Variants in ITGBL1 observed in about 807,000 individuals in gnomAD.
The protein encoded by ITGBL1 is integrin beta-like protein 1.
Under a neutral mutation model 68.5 loss-of-function variants are expected in ITGBL1, and 51 were observed. The ratio of observed to expected loss-of-function variants is 0.74; its 90% CI spans 0.59 to 0.94. ITGBL1 has a LOEUF of 0.94. Ranked by LOEUF, ITGBL1 falls within the 40% of genes least tolerant of loss-of-function variation. The pLI, the probability that ITGBL1 is intolerant of heterozygous loss-of-function variation, is 0.00. For missense variants in ITGBL1, 649 were observed against 647.4 expected (o/e 1.00, Z -0.03); for synonymous variants, 209 against 227.3 (o/e 0.92, Z 0.72).
intron 7 of ITGBL1, among the ~76,000 whole-genome samples, chr13:101,688,819 A>G (rs1265014217): frequency 2.0e-5 from 3 of 152,210 alleles, no homozygotes; most frequent in South Asian, 2.1e-4. Context: ...AAGTTCTACC[A>G]TTAATGCTCA....
intron 7 of ITGBL1, among the ~76,000 whole-genome samples, chr13:101,680,541 T>C (rs183147478): frequency 1.1e-4 from 17 of 152,202 alleles, no homozygotes; most frequent in Admixed American, 2.0e-4. Context: ...CACTTTTTTT[T>C]TTTTTCATAG....
chr13:101,578,290 C>G (rs983050089), intron 4 of ITGBL1, among the ~76,000 whole-genome samples: 8 of 152,108 alleles, frequency 5.3e-5, no homozygotes, highest in African/African-American at 1.9e-4. Context: ...TTTGCATTGT[C>G]TTTTGGGGAG....
At position 101,643,658 on chromosome 13, in the gene ITGBL1, T is replaced by C. The variant is rs184593197; in HGVS notation, c.1015+45359T>C. On this transcript the variant is annotated intron_variant, in intron 7 of 10. Coordinates refer to ENST00000376180, the MANE Select transcript of ITGBL1 (RefSeq NM_004791.3). Reference sequence around the variant, plus strand: ...TGTAATCTTTAGTCACCAGTGAGAATGAGCTGCTTTCATTCCCTCAAATTT... The same window carrying C: ...TGTAATCTTTAGTCACCAGTGAGAACGAGCTGCTTTCATTCCCTCAAATTT... Among the ~76,000 whole-genome samples the C allele has an allele frequency of 3.7e-3, 569 of 152,252 alleles. 5 individuals are homozygous for C. The highest frequency in any genetic ancestry group is 0.013 in the African/African-American group (553 of 41,556).
At chr13:101,686,155 T>C (rs1179953665) in intron 7 of ITGBL1, among the ~76,000 whole-genome samples, 3 of 152,136 alleles carry the variant, frequency 2.0e-5, no homozygotes, top group African/African-American at 7.2e-5. Flanking sequence ...TTCTATCTTT[T>C]ACTCATCTAT....
At chr13:101,561,690 C>T (rs1019544775) in intron 2 of ITGBL1, among the ~76,000 whole-genome samples, 1 of 152,094 alleles carries the variant, frequency 6.6e-6, no homozygotes, top group Non-Finnish European at 1.5e-5. Flanking sequence ...AATGGAGAGA[C>T]GTCTTTGAAA....
chr13:101,581,407 C>G (rs767835588), intron 5 of ITGBL1, among the ~76,000 whole-genome samples: 1 of 152,176 alleles, frequency 6.6e-6, no homozygotes, highest in Admixed American at 6.5e-5. Flanking sequence ...AACCTAACTT[C>G]CAGGTGTAAC....
At chr13:101,471,145 T>C (rs1322776501) in intron 2 of ITGBL1, among the ~76,000 whole-genome samples, 3 of 152,150 alleles carry the variant, frequency 2.0e-5, no homozygotes, top group Non-Finnish European at 2.9e-5. Context: ...CATTTTCATA[T>C]GTGAAAGTGT....
chr13:101,646,182 A>G (rs187936335), intron 7 of ITGBL1, among the ~76,000 whole-genome samples: 1 of 152,294 alleles, frequency 6.6e-6, no homozygotes, highest in Admixed American at 6.5e-5. Context: ...TGAGGACAGT[A>G]TGCTTCTTGT....
intron 2 of ITGBL1, among the ~76,000 whole-genome samples, chr13:101,466,107 A>G (rs1160333548): frequency 6.6e-6 from 1 of 152,146 alleles, no homozygotes; most frequent in Non-Finnish European, 1.5e-5. Flanking sequence ...CATCCTTTTC[A>G]TTTGCTCTCA....
At chr13:101,492,201 T>A (rs2048789775) in intron 2 of ITGBL1, among the ~76,000 whole-genome samples, 1 of 152,226 alleles carries the variant, frequency 6.6e-6, no homozygotes, top group African/African-American at 2.4e-5. Flanking sequence ...TCAACCATTG[T>A]GGAAGACAGC....
intron 7 of ITGBL1, among the ~76,000 whole-genome samples, chr13:101,681,760 AG>A (rs2033648480): frequency 6.6e-6 from 1 of 151,960 alleles, no homozygotes; most frequent in African/African-American, 2.4e-5. Flanking sequence ...AAAACCTGGA[AG>A]AAAGAGGGAA....
chr13:101,477,407 C>T (rs762378158), intron 2 of ITGBL1, among the ~76,000 whole-genome samples: 1 of 151,710 alleles, frequency 6.6e-6, no homozygotes, highest in Non-Finnish European at 1.5e-5. Flanking sequence ...AAATAAACAA[C>T]CTAGTGGTGC....
intron 7 of ITGBL1, among the ~76,000 whole-genome samples, chr13:101,688,502 C>G (rs2033807744): frequency 6.6e-6 from 1 of 152,146 alleles, no homozygotes; most frequent in Admixed American, 6.6e-5. Flanking sequence ...TGGATATATA[C>G]TTGAAAAGTT....
intron 7 of ITGBL1, among the ~76,000 whole-genome samples, chr13:101,632,149 C>CTCTA (rs1555363372): frequency 1.4e-5 from 2 of 141,530 alleles, no homozygotes; most frequent in Non-Finnish European, 3.0e-5. Context: ...CTCTCTCTCT[C>CTCTA]TATATATATA....
At chr13:101,628,464 G>A (rs768811331) in intron 7 of ITGBL1, among the ~76,000 whole-genome samples, 4 of 143,176 alleles carry the variant, frequency 2.8e-5, no homozygotes, top group Admixed American at 1.4e-4. Context: ...ACAAAGTCTC[G>A]CTCTGTCACC....
At chr13:101,605,325 C>A (rs1476828010) in intron 7 of ITGBL1, among the ~76,000 whole-genome samples, 1 of 1,826 alleles carries the variant, frequency 5.5e-4, no homozygotes, top group African/African-American at 6.7e-4. Context: ...TATGCATATG[C>A]GTATATATAT....
At chr13:101,609,928 A>C (rs998134502) in intron 7 of ITGBL1, among the ~76,000 whole-genome samples, 1 of 152,110 alleles carries the variant, frequency 6.6e-6, no homozygotes, top group Non-Finnish European at 1.5e-5. Context: ...GTTTCATTAC[A>C]TTTTGCATTA....
intron 2 of ITGBL1, among the ~76,000 whole-genome samples, chr13:101,515,649 GTA>G (rs2049183087): frequency 6.6e-6 from 1 of 152,030 alleles, no homozygotes. Context: ...AAGTATTTAT[GTA>G]TGCAGACATA....
intron 7 of ITGBL1, among the ~76,000 whole-genome samples, chr13:101,618,531 G>A (rs1168043710): frequency 1.3e-5 from 2 of 152,138 alleles, no homozygotes; most frequent in Non-Finnish European, 2.9e-5. Flanking sequence ...TGATTTATGT[G>A]CTCACAAACC....
Sources: allele counts gnomAD v4.1 joint callset (sites outside exome capture counted in the v4.1 genomes callset), GRCh38; gene constraint gnomAD v4.1.1; transcripts MANE v1.5; gene names NCBI Gene and HGNC (gene_info 2026-07-23, HGNC 2026-07-21).